The following TMOD3 variants were observed in gnomAD, a reference collection of about 807,000 sequenced individuals.
The protein encoded by TMOD3 is tropomodulin-3.
Under a neutral mutation model 39.2 loss-of-function variants are expected in TMOD3, and 20 were observed. The observed-to-expected ratio is 0.51, with a 90% CI of 0.36 to 0.74. The LOEUF (loss-of-function observed/expected upper bound fraction) is 0.74. Ranked by LOEUF, TMOD3 falls within the 30% of genes least tolerant of loss-of-function variation. TMOD3 has a pLI of 0.00. For missense variants in TMOD3, 381 were observed against 412.8 expected, an observed-to-expected ratio of 0.92 and a Z score of 0.67; for synonymous variants, 143 against 145.8, an observed-to-expected ratio of 0.98 and a Z score of 0.14.
chr15:51,836,357 T>C (rs2056283459), intron 1 of TMOD3, among the ~76,000 whole-genome samples: 1 of 152,172 alleles, frequency 6.6e-6, no homozygotes, highest in Admixed American at 6.5e-5. Flanking sequence ...TACTCTCTCT[T>C]AAGATTTGCC....
At chr15:51,904,961 G>T (rs1230250902) in intron 9 of TMOD3, among the ~76,000 whole-genome samples, 1 of 152,232 alleles carries the variant, frequency 6.6e-6, no homozygotes, top group African/African-American at 2.4e-5. Context: ...TAGACTCCCA[G>T]TTACACTGTT....
intron 6 of TMOD3, among the ~76,000 whole-genome samples, chr15:51,894,700 A>G (rs2056612188): frequency 6.6e-6 from 1 of 152,170 alleles, no homozygotes. Flanking sequence ...CTGGCTTCTT[A>G]GCATAATACA....
At chr15:51,902,644 ATTTTTTT>A (rs200954393) in intron 9 of TMOD3, among the ~76,000 whole-genome samples, 1 of 94,986 alleles carries the variant, frequency 1.1e-5, no homozygotes. Context: ...TAATTTTTGT[ATTTTTTT>A]TTTTTTTTTT....
At chr15:51,906,112 G>A (rs947720734) in intron 9 of TMOD3, among the ~76,000 whole-genome samples, 26 of 152,230 alleles carry the variant, frequency 1.7e-4, no homozygotes, top group African/African-American at 5.5e-4. Context: ...GAAATGGCCC[G>A]TTGCCCCATT....
At chr15:51,836,576 T>C (rs2056284762) in intron 1 of TMOD3, among the ~76,000 whole-genome samples, 1 of 151,648 alleles carries the variant, frequency 6.6e-6, no homozygotes, top group Non-Finnish European at 1.5e-5. Flanking sequence ...AATACAAAAA[T>C]TAGCCAGGCA....
chr15:51,862,578 G>A (rs2056424586), intron 1 of TMOD3, among the ~76,000 whole-genome samples: 1 of 151,996 alleles, frequency 6.6e-6, no homozygotes, highest in Admixed American at 6.6e-5. Context: ...TCAAGTGGCT[G>A]CCTTAATGGA....
intron 1 of TMOD3, among the ~76,000 whole-genome samples, chr15:51,830,843 T>C (rs1394847574): frequency 2.0e-5 from 3 of 152,242 alleles, no homozygotes; most frequent in African/African-American, 7.2e-5. Context: ...TTACTCTTGC[T>C]AGTTTCTTCT....
Position 51,908,983 on chromosome 15 carries a change from A to G in TMOD3, c.*173A>G, listed in dbSNP as rs113829162. ...TGTAAAATCAGTAATGTGATATTTT[A>G]TATTCTGAAACATTTCTACTTTCTG... On this transcript the variant is annotated 3_prime_UTR_variant, in exon 10 of 10. Coordinates refer to ENST00000308580, the MANE Select transcript of TMOD3 (RefSeq NM_014547.5). 4.8e-4 allele frequency: 209 copies of G among 433,084 alleles called. 1 individual carries two copies. Among genetic ancestry groups the G allele is most frequent in the African/African-American group, 3.6e-3 (179 of 49,198 alleles). 26.8% of individuals were successfully genotyped at this position (433,084 alleles called of 1,614,324 possible).
chr15:51,873,735 T>A (rs1195255161), intron 3 of TMOD3, among the ~76,000 whole-genome samples: 1 of 151,730 alleles, frequency 6.6e-6, no homozygotes, highest in Non-Finnish European at 1.5e-5. Context: ...GGAGATGGAA[T>A]CTCACTCTGT....
chr15:51,882,476 G>A (rs1466935147), intron 3 of TMOD3, among the ~76,000 whole-genome samples: 1 of 152,046 alleles, frequency 6.6e-6, no homozygotes, highest in African/African-American at 2.4e-5. Flanking sequence ...TCCAGCCTGG[G>A]TGACCGAGTG....
At chr15:51,839,970 T>C (rs760507524) in intron 1 of TMOD3, among the ~76,000 whole-genome samples, 3 of 152,192 alleles carry the variant, frequency 2.0e-5, no homozygotes, top group Non-Finnish European at 2.9e-5. Flanking sequence ...TTGACCTCAA[T>C]GCTTACTGAG....
At chr15:51,857,469 T>C (rs923452761) in intron 1 of TMOD3, among the ~76,000 whole-genome samples, 6 of 152,222 alleles carry the variant, frequency 3.9e-5, no homozygotes, top group African/African-American at 1.4e-4. Context: ...CTGTGGAATG[T>C]AGAATGTCAT....
intron 9 of TMOD3, 86 bp from the exon 10 acceptor site, chr15:51,908,690 A>G (rs1463844236): frequency 9.8e-7 from 1 of 1,017,000 alleles, no homozygotes; most frequent in Admixed American, 2.5e-5. Context: ...TAACTGGATT[A>G]TGCAGAAACT....
intron 3 of TMOD3, among the ~76,000 whole-genome samples, chr15:51,880,215 T>A (rs2056526122): frequency 2.6e-5 from 4 of 152,160 alleles, no homozygotes; most frequent in Non-Finnish European, 4.4e-5. Flanking sequence ...CTCAGAAAAT[T>A]ATCTTTTTTT....
intron 1 of TMOD3, among the ~76,000 whole-genome samples, chr15:51,849,334 A>C (rs1211694156): frequency 2.0e-5 from 3 of 152,240 alleles, no homozygotes; most frequent in Non-Finnish European, 4.4e-5. Context: ...CCTGTTAGCC[A>C]TCCAAGTGGA....
chr15:51,852,257 A>T (rs893639175), intron 1 of TMOD3, among the ~76,000 whole-genome samples: 1 of 152,170 alleles, frequency 6.6e-6, no homozygotes. Flanking sequence ...AAATTCTCTG[A>T]TCTGGTGGGT....
At chr15:51,879,783 T>C (rs1417367859) in intron 3 of TMOD3, among the ~76,000 whole-genome samples, 2 of 151,972 alleles carry the variant, frequency 1.3e-5, no homozygotes, top group South Asian at 4.2e-4. Flanking sequence ...ACAGAGATAC[T>C]TGGGACTATG....
chr15:51,832,290 A>T (rs1276939639), intron 1 of TMOD3, among the ~76,000 whole-genome samples: 1 of 145,878 alleles, frequency 6.9e-6, no homozygotes, highest in African/African-American at 2.5e-5. Flanking sequence ...AGATATACTT[A>T]TGTATAGTCC....
intron 1 of TMOD3, chr15:51,859,865 T>C (rs1255667166): frequency 1.9e-6 from 1 of 530,542 alleles, no homozygotes; most frequent in Non-Finnish European, 3.8e-6. Context: ...CAACTGCTTG[T>C]ATTGGAATTC....
Sources: allele counts gnomAD v4.1 joint callset (sites outside exome capture counted in the v4.1 genomes callset), GRCh38; gene constraint gnomAD v4.1.1; transcripts MANE v1.5; gene names NCBI Gene and HGNC (gene_info 2026-07-23, HGNC 2026-07-21).